Variants in CHEK1 observed in about 807,000 individuals in gnomAD.
The protein encoded by CHEK1 is serine/threonine-protein kinase Chk1.
In CHEK1, 32 loss-of-function variants were observed where a neutral mutation model predicts 60.2. The observed-to-expected ratio is 0.53, with a 90% CI of 0.40 to 0.71. CHEK1 has a LOEUF of 0.71. Among genes scored for constraint, CHEK1 ranks in the 30% least tolerant of loss-of-function variants. CHEK1 has a pLI of 0.00. For missense variants in CHEK1, 399 were observed against 564.6 expected, an observed-to-expected ratio of 0.71 and a Z score of 2.97; for synonymous variants, 179 against 187.2, an observed-to-expected ratio of 0.96 and a Z score of 0.36.
intron 13 of CHEK1, among the ~76,000 whole-genome samples, chr11:125,666,670 G>C (rs868401323): frequency 6.6e-6 from 1 of 152,082 alleles, no homozygotes; most frequent in Admixed American, 6.5e-5. Flanking sequence ...ATATTTAGGT[G>C]CTATGGTGCT....
chr11:125,637,400 T>C, intron 7 of CHEK1, 49 bp from the exon 8 acceptor site: 1 of 1,485,242 alleles, frequency 6.7e-7, no homozygotes. Context: ...AGCCATAGGC[T>C]TCTCTAACAT....
chr11:125,680,910 C>A, downstream of CHEK1: 1 of 760,758 alleles, frequency 1.3e-6, no homozygotes, highest in Non-Finnish European at 2.2e-6. Flanking sequence ...CAGAAGTAAC[C>A]CATGTTTCTT....
chr11:125,660,701 C>T (rs1170794338), downstream of CHEK1, among the ~76,000 whole-genome samples: 1 of 151,562 alleles, frequency 6.6e-6, no homozygotes, highest in African/African-American at 2.4e-5. Flanking sequence ...TCTAGCCCCA[C>T]TTGCTTTCTT....
intron 8 of CHEK1, among the ~76,000 whole-genome samples, chr11:125,641,990 T>G (rs1941321872): frequency 6.6e-6 from 1 of 152,202 alleles, no homozygotes; most frequent in Non-Finnish European, 1.5e-5. Context: ...TTACATTACC[T>G]CTCCAACCTC....
intron 6 of CHEK1, among the ~76,000 whole-genome samples, chr11:125,634,015 T>TTTTTTG (rs59629339): frequency 6.6e-6 from 1 of 150,626 alleles, no homozygotes. Flanking sequence ...TTTTTTTTTT[T>TTTTTTG]AGACCAGAGT....
intron 11 of CHEK1, among the ~76,000 whole-genome samples, chr11:125,646,511 A>G (rs1335483720): frequency 1.3e-5 from 2 of 152,182 alleles, no homozygotes; most frequent in Non-Finnish European, 2.9e-5. Flanking sequence ...GTTGGAGCAT[A>G]TGGTAACTCT....
At chr11:125,676,174 C>G (rs1208243117) in exon 14 of CHEK1, 1 of 677,474 alleles carries the variant, frequency 1.5e-6, no homozygotes, top group Admixed American at 3.0e-5. Flanking sequence ...TCCCAAAGTG[C>G]TGGGATTTTA....
At chr11:125,672,666 A>G (rs1591433322) in intron 13 of CHEK1, 1 of 1,614,190 alleles carries the variant, frequency 6.2e-7, no homozygotes, top group African/African-American at 1.3e-5. Flanking sequence ...GAAGAGGTTC[A>G]TAGATGGGCA....
At chr11:125,663,183 C>T (rs1346539401) in intron 13 of CHEK1, among the ~76,000 whole-genome samples, 1 of 150,248 alleles carries the variant, frequency 6.7e-6, no homozygotes, top group Non-Finnish European at 1.5e-5. Context: ...TCTTTTCATC[C>T]TGTTAACAGA....
At chr11:125,644,447 T>C in intron 10 of CHEK1, 65 bp from the exon 11 acceptor site, 2 of 1,556,792 alleles carry the variant, frequency 1.3e-6, no homozygotes, top group Non-Finnish European at 1.7e-6. Flanking sequence ...TCAGACTAAA[T>C]AGCTATGATA....
chr11:125,678,437 G>A (rs1477283646), downstream of CHEK1: 6 of 1,021,398 alleles, frequency 5.9e-6, no homozygotes, highest in East Asian at 1.5e-4. Context: ...GACTGCAGAT[G>A]TTGGGAAAAA....
At chr11:125,668,564 T>C (rs1347111730) in intron 13 of CHEK1, among the ~76,000 whole-genome samples, 1 of 152,128 alleles carries the variant, frequency 6.6e-6, no homozygotes, top group African/African-American at 2.4e-5. Flanking sequence ...AGACAAGATC[T>C]GTTGTCTCAA....
chr11:125,656,324 T>G lies in CHEK1; in HGVS notation c.*1004T>G, dbSNP rs1300593475. ...TATGATTGCACCAGTGCACTCCAGC[T>G]TGGATGACAGAGTAAGACCCTACCT... is the stretch of plus-strand genomic sequence containing the variant. On this transcript the variant is annotated 3_prime_UTR_variant, in exon 13 of 13. Transcript: ENST00000438015. The G allele has an allele frequency of 4.8e-6, 1 of 210,522 alleles. No homozygotes were observed. Among genetic ancestry groups the G allele is most frequent in the Non-Finnish European group, 9.6e-6 (1 of 103,690 alleles). 13.0% of individuals were successfully genotyped at this position (210,522 alleles called of 1,614,324 possible).
At chr11:125,648,507 G>T (rs1941589804) in intron 11 of CHEK1, among the ~76,000 whole-genome samples, 1 of 151,860 alleles carries the variant, frequency 6.6e-6, no homozygotes, top group Non-Finnish European at 1.5e-5. Context: ...ACTTGAACCT[G>T]GGAGGCGGAG....
At chr11:125,665,762 G>T (rs1016732834) in intron 13 of CHEK1, among the ~76,000 whole-genome samples, 10 of 151,354 alleles carry the variant, frequency 6.6e-5, no homozygotes, top group Non-Finnish European at 1.0e-4. Context: ...CAATTTTTTG[G>T]CATATAGTGT....
chr11:125,655,438 C>T lies in CHEK1; in HGVS notation c.*118C>T, dbSNP rs528501689. The T allele has an allele frequency of 3.6e-5, 21 of 584,792 alleles. No individual in the cohort carries two copies. The highest frequency in any genetic ancestry group is 3.4e-4 in the African/African-American group (18 of 52,334). 36.2% of individuals were successfully genotyped at this position (584,792 alleles called of 1,614,324 possible). ...CAAATAGTAGTTCCTGAAGTGTTCA[C>T]TTCCCTGTTTATCCAAACATCTTCC... On this transcript the variant is annotated 3_prime_UTR_variant, in exon 13 of 13. Coordinates refer to ENST00000438015, the MANE Select transcript of CHEK1 (RefSeq NM_001114122.3).
chr11:125,653,414 A>G lies in CHEK1; in HGVS notation c.1234-332A>G, dbSNP rs947171183. On this transcript the variant is annotated intron_variant, in intron 11 of 12. Transcript: ENST00000438015. The surrounding 1 kb of genome is among the most constrained non-coding windows in gnomAD (Gnocchi z 4.3). ...GAATTTTAGTAGAGATGAGGTATCGATATGTTGCCCAGCCTGGTCTGAAGC... is the reference window on the plus strand; with the variant it reads ...GAATTTTAGTAGAGATGAGGTATCGGTATGTTGCCCAGCCTGGTCTGAAGC... 6.6e-6 allele frequency among the ~76,000 whole-genome samples: 1 copy of G among 152,000 alleles called. No homozygotes were observed. The highest frequency in any genetic ancestry group is 6.6e-5 in the Admixed American group (1 of 15,248).
intron 12 of CHEK1, among the ~76,000 whole-genome samples, 170 bp downstream of exon 12, chr11:125,654,017 T>C (rs1309050377): frequency 6.6e-6 from 1 of 152,202 alleles, no homozygotes; most frequent in East Asian, 1.9e-4. Flanking sequence ...ATTGTTTTTT[T>C]CAAATGACAT....
At chr11:125,636,953 T>G (rs971683225) in intron 7 of CHEK1, among the ~76,000 whole-genome samples, 7 of 152,172 alleles carry the variant, frequency 4.6e-5, no homozygotes, top group African/African-American at 1.7e-4. Context: ...AAATCTTTGG[T>G]CCATTAGGAA....
Sources: gnomAD v4.1 joint callset for allele counts (sites outside exome capture counted in the v4.1 genomes callset) on GRCh38, gnomAD v4.1.1 for gene constraint, Gnocchi (gnomAD v3.1) non-coding constraint, MANE v1.5 for transcripts, NCBI Gene and HGNC (gene_info 2026-07-23, HGNC 2026-07-21) for gene names.